PABPC4L: variants seen among roughly 807,000 people sequenced by gnomAD.
PABPC4L encodes polyadenylate-binding protein 4-like.
For missense variants in PABPC4L, 452 were observed against 451.4 expected, an observed-to-expected ratio of 1.00 and a Z score of -0.01; for synonymous variants, 169 against 164.1, an observed-to-expected ratio of 1.03 and a Z score of -0.23.
At chr4:134,193,184 T>C (rs368368698), downstream of PABPC4L, among the ~76,000 whole-genome samples, 1 of 152,074 alleles carries the variant, frequency 6.6e-6, no homozygotes, top group South Asian at 2.1e-4. Flanking sequence ...GCAGTGATTT[T>C]CTACTGAATA....
chr4:134,042,542 C>T, the PABPC4L span, among the ~76,000 whole-genome samples: 4 of 152,122 alleles, frequency 2.6e-5, no homozygotes, highest in Non-Finnish European at 5.9e-5. Context: ...ATAAAGACCT[C>T]TATAGCTGGA....
chr4:134,161,984 C>A, the PABPC4L span, among the ~76,000 whole-genome samples: 2 of 151,916 alleles, frequency 1.3e-5, no homozygotes, highest in East Asian at 3.9e-4. Context: ...TTTCTTTTTT[C>A]TTTTGTTTTC....
At chr4:134,138,560 A>G in the PABPC4L span, among the ~76,000 whole-genome samples, 1 of 151,792 alleles carries the variant, frequency 6.6e-6, no homozygotes, top group Non-Finnish European at 1.5e-5. Flanking sequence ...TTCTTTTTAT[A>G]TAAATGCTTT....
the PABPC4L span, among the ~76,000 whole-genome samples, chr4:134,174,770 C>T: frequency 6.6e-6 from 1 of 151,748 alleles, no homozygotes; most frequent in Non-Finnish European, 1.5e-5. Context: ...TATATTTTTT[C>T]CTTTTAGAGT....
chr4:134,172,072 T>C, the PABPC4L span, among the ~76,000 whole-genome samples: 3 of 152,126 alleles, frequency 2.0e-5, no homozygotes, highest in African/African-American at 7.2e-5. Flanking sequence ...AAAATCAATA[T>C]TGTTATAATG....
chr4:134,116,042 A>G, the PABPC4L span, among the ~76,000 whole-genome samples: 1 of 152,006 alleles, frequency 6.6e-6, no homozygotes, highest in Non-Finnish European at 1.5e-5. Flanking sequence ...ATAAATGTAT[A>G]ATTGCAGCAT....
chr4:134,012,941 C>A, the PABPC4L span, among the ~76,000 whole-genome samples: 1 of 152,080 alleles, frequency 6.6e-6, no homozygotes, highest in Non-Finnish European at 1.5e-5. Flanking sequence ...AAAACTCTGG[C>A]GCCGGTCATG....
chr4:134,164,028 C>A, the PABPC4L span, among the ~76,000 whole-genome samples: 3,385 of 151,742 alleles, frequency 0.022, 125 homozygotes, highest in African/African-American at 0.077. Context: ...CTTTGGGAGG[C>A]CGAGGCGGGC....
chr4:134,178,487 G>GA, the PABPC4L span, among the ~76,000 whole-genome samples: 2 of 151,554 alleles, frequency 1.3e-5, no homozygotes, highest in East Asian at 3.9e-4. Context: ...AAGCCAGAGT[G>GA]TTTTTTTACC....
chr4:134,159,352 G>A, the PABPC4L span, among the ~76,000 whole-genome samples: 176 of 152,186 alleles, frequency 1.2e-3, no homozygotes, highest in African/African-American at 3.8e-3. Flanking sequence ...AAACTCAGAT[G>A]AGTAATCATA....
the PABPC4L span, among the ~76,000 whole-genome samples, chr4:134,186,020 C>A: frequency 6.6e-6 from 1 of 152,104 alleles, no homozygotes; most frequent in Non-Finnish European, 1.5e-5. Context: ...CAAACCACTG[C>A]TCAAAGAAAT....
chr4:134,077,756 A>G, the PABPC4L span, among the ~76,000 whole-genome samples: 17 of 152,250 alleles, frequency 1.1e-4, no homozygotes, highest in Non-Finnish European at 1.9e-4. Flanking sequence ...GTATTCTCAT[A>G]TCTGTTTATT....
chr4:133,973,401 A>G, the PABPC4L span, among the ~76,000 whole-genome samples: 1 of 151,998 alleles, frequency 6.6e-6, no homozygotes, highest in South Asian at 2.1e-4. Context: ...AAACTTTTTC[A>G]GAACTCTGGA....
the PABPC4L span, among the ~76,000 whole-genome samples, chr4:134,174,562 T>A: frequency 6.6e-6 from 1 of 152,184 alleles, no homozygotes; most frequent in Non-Finnish European, 1.5e-5. Flanking sequence ...TAGAATCTTA[T>A]GGGACCACCA....
chr4:133,954,270 G>C, the PABPC4L span, among the ~76,000 whole-genome samples: 1 of 152,108 alleles, frequency 6.6e-6, no homozygotes, highest in Non-Finnish European at 1.5e-5. Context: ...ATTTTCAATG[G>C]GTGAGCGCTC....
chr4:133,965,039 T>C, the PABPC4L span, among the ~76,000 whole-genome samples: 5 of 152,040 alleles, frequency 3.3e-5, no homozygotes, highest in Non-Finnish European at 5.9e-5. Flanking sequence ...TCACTGTTTA[T>C]TGACAATATG....
the PABPC4L span, among the ~76,000 whole-genome samples, chr4:134,040,971 A>C: frequency 6.6e-6 from 1 of 152,212 alleles, no homozygotes; most frequent in Non-Finnish European, 1.5e-5. Flanking sequence ...ACATATGAAA[A>C]AAAGCTCATC....
chr4:134,055,080 G>A, the PABPC4L span, among the ~76,000 whole-genome samples: 1 of 151,780 alleles, frequency 6.6e-6, no homozygotes, highest in Non-Finnish European at 1.5e-5. Context: ...GCATTTTCCT[G>A]GTTACTAATG....
the PABPC4L span, among the ~76,000 whole-genome samples, chr4:133,987,744 T>C: frequency 6.6e-6 from 1 of 152,190 alleles, no homozygotes; most frequent in Non-Finnish European, 1.5e-5. Flanking sequence ...TTGTAAAGTG[T>C]TGCATAATAT....
Sources: gnomAD v4.1 joint callset for allele counts (sites outside exome capture counted in the v4.1 genomes callset) on GRCh38, gnomAD v4.1.1 for gene constraint, MANE v1.5 for transcripts, NCBI Gene and HGNC (gene_info 2026-07-23, HGNC 2026-07-21) for gene names.